Variants in XPO6 observed in about 807,000 individuals in gnomAD.
The protein encoded by XPO6 is exportin-6.
Under a neutral mutation model 130.0 loss-of-function variants are expected in XPO6, and 3 were observed. That is an observed-to-expected ratio of 0.02 (90% CI 0.01 to 0.06). The LOEUF (loss-of-function observed/expected upper bound fraction) is 0.06, where lower values mean the gene tolerates loss of function less well. Among genes scored for constraint, XPO6 ranks in the 10% least tolerant of loss-of-function variants. The probability of loss-of-function intolerance (pLI) is 1.00; values close to 1 mark genes in which losing one functional copy is unlikely to be tolerated. For synonymous variants in XPO6, 524 were observed against 548.9 expected, an observed-to-expected ratio of 0.95 and a Z score of 0.63; for missense variants, 970 against 1,393.0, an observed-to-expected ratio of 0.70 and a Z score of 4.83.
At chr16:28,197,261 T>A (rs540355460) in intron 1 of XPO6, among the ~76,000 whole-genome samples, 15 of 152,022 alleles carry the variant, frequency 9.9e-5, no homozygotes, top group African/African-American at 2.4e-4. Flanking sequence ...CAAAAAAAAA[T>A]AATGTGTATT....
intron 1 of XPO6, among the ~76,000 whole-genome samples, chr16:28,191,802 C>A (rs1322489380): frequency 6.6e-6 from 1 of 152,184 alleles, no homozygotes; most frequent in African/African-American, 2.4e-5. Context: ...AACTGACGAA[C>A]CACTATAAAA....
At chr16:28,131,540 T>C (rs775668780) in intron 12 of XPO6, among the ~76,000 whole-genome samples, 64 of 152,234 alleles carry the variant, frequency 4.2e-4, no homozygotes, top group African/African-American at 1.1e-3. Context: ...GTGTTTTCAG[T>C]TGACAAAAAT....
intron 2 of XPO6, 124 bp from the exon 3 acceptor site, chr16:28,177,456 C>A (rs1030579773): frequency 1.8e-6 from 1 of 549,630 alleles, no homozygotes; most frequent in Non-Finnish European, 3.3e-6. Flanking sequence ...TCAAAACCAG[C>A]GGATTCTTTA....
intron 16 of XPO6, 25 bp downstream of exon 16, chr16:28,112,879 C>A (rs762577657): frequency 9.3e-6 from 15 of 1,606,684 alleles, no homozygotes; most frequent in Non-Finnish European, 1.2e-5. Context: ...GCCCTGGGGA[C>A]CCCGGGGGAG....
chr16:28,195,102 A>T (rs2043839196), intron 1 of XPO6, among the ~76,000 whole-genome samples: 1 of 151,866 alleles, frequency 6.6e-6, no homozygotes, highest in African/African-American at 2.4e-5. Flanking sequence ...CTGAAATTAC[A>T]TCTTTCACTC....
At chr16:28,191,051 T>G (rs1003322867) in intron 1 of XPO6, among the ~76,000 whole-genome samples, 7 of 152,204 alleles carry the variant, frequency 4.6e-5, no homozygotes, top group Admixed American at 1.3e-4. Context: ...GCCGGTACCC[T>G]CTACCTTGCC....
At chr16:28,168,776 G>GTT (rs201220464) in intron 5 of XPO6, among the ~76,000 whole-genome samples, 5 of 141,554 alleles carry the variant, frequency 3.5e-5, no homozygotes, top group African/African-American at 1.3e-4. Context: ...TAACTTTTTT[G>GTT]TTTTGTTTTT....
At chr16:28,131,694 A>C (rs895328323) in intron 12 of XPO6, among the ~76,000 whole-genome samples, 13 of 152,248 alleles carry the variant, frequency 8.5e-5, no homozygotes, top group African/African-American at 3.1e-4. Flanking sequence ...GGTAACTAGT[A>C]ATAGCACTTA....
chr16:28,180,674 C>T (rs1217829497), intron 2 of XPO6, among the ~76,000 whole-genome samples: 3 of 152,156 alleles, frequency 2.0e-5, no homozygotes, highest in Non-Finnish European at 4.4e-5. Flanking sequence ...CCACCCCACC[C>T]TAGACGCCCC....
At chr16:28,140,057 C>A (rs1362753120) in intron 9 of XPO6, among the ~76,000 whole-genome samples, 8 of 151,864 alleles carry the variant, frequency 5.3e-5, no homozygotes. Context: ...CGTGGCAAAA[C>A]CCTGTCTCTA....
chr16:28,174,518 T>C (rs2043504538), intron 4 of XPO6, among the ~76,000 whole-genome samples: 3 of 152,230 alleles, frequency 2.0e-5, no homozygotes, highest in African/African-American at 7.2e-5. Context: ...TCCCCTCATG[T>C]GCTTAGTGTT....
intron 1 of XPO6, among the ~76,000 whole-genome samples, chr16:28,182,586 C>T (rs1432028415): frequency 1.3e-5 from 2 of 152,198 alleles, no homozygotes; most frequent in African/African-American, 4.8e-5. Flanking sequence ...ATTAGCCTAG[C>T]CCCCTACTCC....
chr16:28,154,922 T>C (rs1216231256), intron 7 of XPO6, among the ~76,000 whole-genome samples: 1 of 152,230 alleles, frequency 6.6e-6, no homozygotes, highest in Non-Finnish European at 1.5e-5. Flanking sequence ...GTGTGAATAA[T>C]GATGCCTTTG....
At chr16:28,121,127 A>G (rs977108211) in intron 14 of XPO6, among the ~76,000 whole-genome samples, 2 of 152,204 alleles carry the variant, frequency 1.3e-5, no homozygotes, top group Non-Finnish European at 2.9e-5. Context: ...GTAGGTAGAG[A>G]GTGTGGTCTC....
intron 20 of XPO6, among the ~76,000 whole-genome samples, chr16:28,105,029 A>G (rs2086742641): frequency 6.6e-6 from 1 of 152,244 alleles, no homozygotes; most frequent in Non-Finnish European, 1.5e-5. Flanking sequence ...TACACTAGAA[A>G]AAAGCTACCA....
rs1197730233 is a variant in XPO6 at position 28,101,260 on chromosome 16, C to T, written c.3276+198G>A. On this transcript the variant is annotated intron_variant, in intron 23 of 23. Coordinates refer to ENST00000304658, the MANE Select transcript of XPO6 (RefSeq NM_015171.4). The surrounding 1 kb of genome is among the most constrained non-coding windows in gnomAD (Gnocchi z 5.4). ...ACTAAGAACATACGTGCTACAGACA[C>T]CAAGACTGGGGAAAAGGCTGTGCCC... The T allele has an allele frequency of 3.0e-6, 2 of 669,010 alleles. No homozygotes were observed. The highest frequency in any genetic ancestry group is 3.2e-5 in the South Asian group (2 of 62,130). The allele number at this position is 669,010 out of a possible 1,614,324, so 41.4% of individuals were successfully genotyped here.
Position 28,116,334 on chromosome 16 carries a change from C to T in XPO6, c.2004+984G>A, listed in dbSNP as rs140717480. 4.5e-3 allele frequency among the ~76,000 whole-genome samples: 682 copies of T among 152,236 alleles called. 7 individuals carry two copies. Among genetic ancestry groups the T allele is most frequent in the African/African-American group, 0.016 (662 of 41,542 alleles). ...AAAATTAGCCAGGCAAGGCGGCAGG[C>T]GCCAGTAGTCCCAGCTACTCAAGAG... On this transcript the variant is annotated intron_variant, in intron 15 of 23. Transcript: ENST00000304658.
rs758995499 is a variant in XPO6 at position 28,156,468 on chromosome 16, T to C, written c.703A>G (p.Ile235Val). ...PSSAKLLNQPIPILDVESEYI... is the reference protein window; with the variant it reads ...PSSAKLLNQPVPILDVESEYI... ...TCACTCTCCACATCAAGGATGGGAA[T>C]TGGCTGATTCAACAGTTTGGCTGAA... The change falls in exon 7 of 24, where the codon ATT becomes GTT. Residue 235 changes from isoleucine (I) to valine (V), a missense_variant. Physicochemically the swap from Ile to Val is conservative, Grantham distance 29. This residue lies in a region of XPO6 where 936 missense variants were observed against 1,306.8 expected (regional missense o/e 0.72). Transcript: ENST00000304658. 2.5e-6 allele frequency: 4 copies of C among 1,607,838 alleles called. No individual in the cohort carries two copies. Among genetic ancestry groups the C allele is most frequent in the Non-Finnish European group, 3.4e-6 (4 of 1,175,264 alleles).
chr16:28,120,902 G>A (rs1048476690), intron 14 of XPO6, among the ~76,000 whole-genome samples: 22 of 152,182 alleles, frequency 1.4e-4, no homozygotes, highest in African/African-American at 4.1e-4. Flanking sequence ...CTCCCAGACC[G>A]TATGTAAATC....
Sources: allele counts gnomAD v4.1 joint callset (sites outside exome capture counted in the v4.1 genomes callset), GRCh38; gene constraint gnomAD v4.1.1; regional missense constraint gnomAD v4.1.1; non-coding constraint Gnocchi (gnomAD v3.1); transcripts MANE v1.5; gene names NCBI Gene and HGNC (gene_info 2026-07-23, HGNC 2026-07-21).